Variants in HEXB observed in about 807,000 individuals in gnomAD.
HEXB encodes hexosaminidase subunit beta.
A neutral mutation model predicts 71.2 loss-of-function variants in HEXB; 51 were observed. The observed-to-expected ratio is 0.72, with a 90% CI of 0.57 to 0.90. The LOEUF is 0.90. Among genes scored for constraint, HEXB ranks in the 40% least tolerant of loss-of-function variants. HEXB has a pLI of 0.00. For synonymous variants in HEXB, 266 were observed against 249.3 expected (o/e 1.07, Z -0.63); for missense variants, 617 against 677.0 (o/e 0.91, Z 0.98).
intron 9 of HEXB, 24 bp downstream of exon 9, chr5:74,716,697 C>T: frequency 2.2e-6 from 3 of 1,356,568 alleles, no homozygotes; most frequent in Non-Finnish European, 3.2e-6. Flanking sequence ...AAGCCTATTT[C>T]TGTATTAATG....
At chr5:74,713,686 T>TG in intron 7 of HEXB, 51 bp downstream of exon 7, 1 of 1,487,218 alleles carries the variant, frequency 6.7e-7, no homozygotes, top group Non-Finnish European at 9.3e-7. Context: ...TTTTTTGAGA[T>TG]GGAGTCTTGT....
chr5:74,714,832 G>A (rs745785905), intron 7 of HEXB, among the ~76,000 whole-genome samples: 5 of 152,134 alleles, frequency 3.3e-5, no homozygotes, highest in African/African-American at 1.2e-4. Flanking sequence ...GCACATTAGC[G>A]GGCCTTTGGT....
intron 1 of HEXB, among the ~76,000 whole-genome samples, chr5:74,680,038 T>C (rs1412067957): frequency 1.3e-5 from 2 of 152,154 alleles, no homozygotes; most frequent in Admixed American, 1.3e-4. Flanking sequence ...CTTGAAGAGA[T>C]GTGTGGAAGT....
intron 5 of HEXB, among the ~76,000 whole-genome samples, chr5:74,697,722 T>C: frequency 1.2e-5 from 1 of 84,580 alleles, no homozygotes; most frequent in Non-Finnish European, 2.4e-5. Flanking sequence ...AGCAAGACTC[T>C]GTCTCAAAAA....
At chr5:74,646,209 A>G (rs1211244368) in intron 1 of HEXB, among the ~76,000 whole-genome samples, 1 of 152,218 alleles carries the variant, frequency 6.6e-6, no homozygotes, top group African/African-American at 2.4e-5. Context: ...GCTGGCTTTT[A>G]TAATGATTCC....
intron 1 of HEXB, among the ~76,000 whole-genome samples, chr5:74,680,078 A>G (rs1249159481): frequency 2.0e-5 from 3 of 152,228 alleles, no homozygotes; most frequent in African/African-American, 7.2e-5. Flanking sequence ...GAACTTCAGT[A>G]AGATTAACAA....
intron 5 of HEXB, among the ~76,000 whole-genome samples, chr5:74,704,180 A>G (rs1749325689): frequency 6.6e-6 from 1 of 152,164 alleles, no homozygotes; most frequent in Non-Finnish European, 1.5e-5. Context: ...GCTCAATTCC[A>G]GTTAACACCT....
chr5:74,680,738 A>G (rs1748723229), upstream of HEXB, among the ~76,000 whole-genome samples: 1 of 152,262 alleles, frequency 6.6e-6, no homozygotes, highest in Non-Finnish European at 1.5e-5. Context: ...GGGGATATTT[A>G]GCACACAGTG....
At chr5:74,653,507 A>T (rs775998732) in intron 1 of HEXB, among the ~76,000 whole-genome samples, 11 of 152,236 alleles carry the variant, frequency 7.2e-5, no homozygotes, top group Non-Finnish European at 1.2e-4. Context: ...CTTCCAGGCC[A>T]TGGTTTCAGG....
intron 1 of HEXB, among the ~76,000 whole-genome samples, chr5:74,642,322 A>C (rs1229761544): frequency 6.6e-6 from 1 of 152,014 alleles, no homozygotes; most frequent in Admixed American, 6.6e-5. Flanking sequence ...AGCCCGGATC[A>C]ATTCATGTCA....
chr5:74,644,339 G>A (rs1747961265), intron 1 of HEXB, among the ~76,000 whole-genome samples: 2 of 152,308 alleles, frequency 1.3e-5, no homozygotes, highest in South Asian at 4.1e-4. Context: ...CATGGCTTTG[G>A]GCAAGGTGGT....
intron 1 of HEXB, among the ~76,000 whole-genome samples, chr5:74,644,808 G>C (rs1747973108): frequency 9.8e-6 from 1 of 102,252 alleles, no homozygotes; most frequent in Non-Finnish European, 1.7e-5. Context: ...GTCTCACTCT[G>C]TTGCCCAGGC....
intron 7 of HEXB, 41 bp downstream of exon 7, chr5:74,713,676 T>G (rs1329308565): frequency 6.5e-7 from 1 of 1,543,338 alleles, no homozygotes; most frequent in Admixed American, 1.7e-5. Flanking sequence ...TTATTTTTTA[T>G]TTTTTGAGAT....
chr5:74,701,276 G>C (rs905635698), intron 5 of HEXB, among the ~76,000 whole-genome samples: 7 of 151,610 alleles, frequency 4.6e-5, no homozygotes, highest in Admixed American at 1.3e-4. Flanking sequence ...TCTACAACAA[G>C]GATATAAATA....
chr5:74,685,604 G>C, intron 1 of HEXB, 45 bp downstream of exon 1: 1 of 1,500,462 alleles, frequency 6.7e-7, no homozygotes, highest in Non-Finnish European at 8.9e-7. Flanking sequence ...GGGGAGGGGA[G>C]AGGCGGACCA....
At chr5:74,695,170 T>C (rs983330119) in intron 3 of HEXB, among the ~76,000 whole-genome samples, 1 of 151,440 alleles carries the variant, frequency 6.6e-6, no homozygotes, top group Non-Finnish European at 1.5e-5. Context: ...AATCTGCCTG[T>C]CTCATCTGCG....
chr5:74,662,128 C>T (rs1463447054), intron 1 of HEXB, among the ~76,000 whole-genome samples: 5 of 152,030 alleles, frequency 3.3e-5, no homozygotes, highest in Admixed American at 3.3e-4. Flanking sequence ...AAAAAGAAAT[C>T]CTCCATACCC....
At position 74,704,650 on chromosome 5, in the gene HEXB, G is replaced by A. The variant is rs574016025; in HGVS notation, c.670-569G>A. ...CATTCTTGGCAGACTGCTACATATTGGGAATCTTGCTCTCCTCCCATACAG... is the reference window on the plus strand; with the variant it reads ...CATTCTTGGCAGACTGCTACATATTAGGAATCTTGCTCTCCTCCCATACAG... On this transcript the variant is annotated intron_variant, in intron 5 of 13. Coordinates refer to ENST00000261416, the MANE Select transcript of HEXB (RefSeq NM_000521.4). 1.8e-4 allele frequency among the ~76,000 whole-genome samples: 27 copies of A among 152,238 alleles called. No homozygotes were observed. The East Asian group carries it at 5.0e-3, about 28-fold the overall frequency.
intron 1 of HEXB, 29 bp downstream of exon 1, chr5:74,685,588 G>C: frequency 2.0e-6 from 3 of 1,523,642 alleles, no homozygotes; most frequent in Non-Finnish European, 2.6e-6. Flanking sequence ...GCCGGGAGTT[G>C]TCCTGGGGGA....
Sources: allele counts gnomAD v4.1 joint callset (sites outside exome capture counted in the v4.1 genomes callset), GRCh38; gene constraint gnomAD v4.1.1; transcripts MANE v1.5; gene names NCBI Gene and HGNC (gene_info 2026-07-23, HGNC 2026-07-21).